BAHCC1: variants seen among roughly 807,000 people sequenced by gnomAD.
BAHCC1 encodes the protein BAH domain and coiled-coil containing 1.
In BAHCC1, 43 loss-of-function variants were observed where a neutral mutation model predicts 88.2. The ratio of observed to expected loss-of-function variants is 0.49; its 90% CI spans 0.38 to 0.63. BAHCC1 has a LOEUF of 0.63. BAHCC1 is among the 20% of genes least tolerant of loss of function. The pLI is 0.00. For synonymous variants in BAHCC1, 1,510 were observed against 745.5 expected (o/e 2.03, Z -16.71); for missense variants, 3,023 against 1,654.8 (o/e 1.83, Z -14.34).
At chr17:81,397,546 C>G (rs1363253189) in intron 1 of BAHCC1, among the ~76,000 whole-genome samples, 1 of 152,160 alleles carries the variant, frequency 6.6e-6, no homozygotes, top group Non-Finnish European at 1.5e-5. Flanking sequence ...GACCTCCCTC[C>G]CTTTCCTTCT....
chr17:81,444,066 G>A, intron 6 of BAHCC1, 149 bp downstream of exon 6: 2 of 617,638 alleles, frequency 3.2e-6, no homozygotes, highest in Admixed American at 5.3e-5. Flanking sequence ...CACCCCTAGA[G>A]CCTTTCTGGA....
At position 81,442,933 on chromosome 17, in the gene BAHCC1, C is replaced by T. The variant is rs2064450354; in HGVS notation, c.1584C>T (p.Gly528=). Reference sequence around the variant, plus strand: ...GCTGCACTTTAGATAAGACTGTTGGCAAGGAAGCCCCGGCCGGCCCCCCAG... The same window carrying T: ...GCTGCACTTTAGATAAGACTGTTGGTAAGGAAGCCCCGGCCGGCCCCCCAG... The part of the protein sequence containing the change: ...QACCTLDKTV[G]KEAPAGPPGA... The change falls in exon 5 of 28, where the codon GGC becomes GGT. Residue 528 remains glycine, a synonymous_variant. Coordinates refer to ENST00000675386, the MANE Select transcript of BAHCC1 (RefSeq NM_001377448.1). 1 of 779,078 alleles carries T rather than the reference C, an allele frequency of 1.3e-6. No individual in the cohort carries two copies. Among genetic ancestry groups the T allele is most frequent in the Admixed American group, 1.7e-5 (1 of 58,972 alleles). 48.3% of individuals were successfully genotyped at this position (779,078 alleles called of 1,614,324 possible).
chr17:81,441,703 T>G (rs1199946727), intron 4 of BAHCC1, 128 bp from the exon 5 acceptor site: 2 of 436,884 alleles, frequency 4.6e-6, no homozygotes, highest in Non-Finnish European at 8.2e-6. Flanking sequence ...GCAAAAACCT[T>G]CCCTAGGCTG....
chr17:81,425,662 TTGGTGGTGA>T (rs1422054348), intron 2 of BAHCC1, among the ~76,000 whole-genome samples: 58 of 101,864 alleles, frequency 5.7e-4, no homozygotes, highest in African/African-American at 2.3e-3. Context: ...GGTGATGTGG[TTGGTGGTGA>T]TGGTGGGTGA....
In BAHCC1 at chr17:81,441,937, C is replaced by T. The variant is rs374363244; in HGVS notation, c.588C>T (p.Cys196=). ...RAAPAHPMGS[C]SRDRDRGEAG... The stretch of plus-strand genomic sequence containing the variant: ...CCCCTGCCCACCCCATGGGCTCCTG[C>T]AGCCGGGATCGAGACCGGGGTGAGG... Residue 196 remains cysteine (C), a synonymous_variant, in exon 5 of 28, where the codon TGC becomes TGT. Transcript: ENST00000675386. The T allele has an allele frequency of 8.1e-6, 6 of 738,408 alleles. No homozygotes were observed. The highest frequency in any genetic ancestry group is 3.5e-5 in the African/African-American group (2 of 57,206). 45.7% of individuals were successfully genotyped at this position (738,408 alleles called of 1,614,324 possible).
Position 81,460,557 on chromosome 17 carries a change from T to A in BAHCC1, c.6053T>A (p.Val2018Glu). 1.3e-6 allele frequency: 1 copy of A among 765,762 alleles called. No homozygotes were observed. The highest frequency in any genetic ancestry group is 2.4e-6 in the Non-Finnish European group (1 of 411,064). The allele number at this position is 765,762 out of a possible 1,614,324, so 47.4% of individuals were successfully genotyped here. Residue 2018 changes from valine to glutamate, a missense_variant, in exon 25 of 28, where the codon GTG becomes GAG. Transcript: ENST00000675386. The stretch of plus-strand genomic sequence containing the variant: ...ACAGAGCCCTCTCCAGCCCTGCTAG[T>A]GTCTAGCAGCTGCCGGAGGACCAAG... The part of the protein sequence containing the change: ...QCTEPSPALL[V>E]SSSCRRTKKV...
intron 10 of BAHCC1, among the ~76,000 whole-genome samples, chr17:81,446,526 C>CTTTTTTTTTTTT (rs869297780): frequency 2.0e-5 from 1 of 49,184 alleles, no homozygotes; most frequent in African/African-American, 8.9e-5. Flanking sequence ...CTGCTCACAC[C>CTTTTTTTTTTTT]TTTTTTTTTT....
chr17:81,447,685 G>C lies in BAHCC1; in HGVS notation c.3813G>C (p.Gly1271=). 1.4e-6 allele frequency: 1 copy of C among 738,108 alleles called. No homozygotes were observed. Among genetic ancestry groups the C allele is most frequent in the Middle Eastern group, 2.3e-4 (1 of 4,386 alleles). The allele number at this position is 738,108 out of a possible 1,614,324, so 45.7% of individuals were successfully genotyped here. A position where few individuals can be genotyped will look rare whatever the true frequency, so the allele number is the denominator to read the frequency against. ...DALVAATINL[G]DLPSDSPPDP... ...TGGTGGCCGCCACCATCAACCTGGG[G>C]GACCTGCCCAGCGACAGCCCACCGG... is the stretch of plus-strand genomic sequence containing the variant. Residue 1271 remains glycine, a synonymous_variant, in exon 11 of 28, where the codon GGG becomes GGC. Coordinates refer to ENST00000675386, the MANE Select transcript of BAHCC1 (RefSeq NM_001377448.1).
Position 81,458,131 on chromosome 17 carries a change from G to T in BAHCC1, c.5042-34G>T. 7 of 714,824 alleles carry T rather than the reference G, an allele frequency of 9.8e-6. 1 individual carries two copies. The South Asian group carries it at 1.0e-4, about 11-fold the overall frequency. 44.3% of individuals were successfully genotyped at this position (714,824 alleles called of 1,614,324 possible). On this transcript the variant is annotated intron_variant, in intron 17 of 27. Coordinates refer to ENST00000675386, the MANE Select transcript of BAHCC1 (RefSeq NM_001377448.1). ...CCAACCAGCCGGGTCTCTAGGATGG[G>T]GACCCCTGTGACGGCCTCCTCTCCT...
At position 81,442,144 on chromosome 17, in the gene BAHCC1, C is replaced by T. The variant is rs1555652665; in HGVS notation, c.795C>T (p.Gly265=). The T allele has an allele frequency of 2.6e-5, 17 of 656,438 alleles. No homozygotes were observed. The highest frequency in any genetic ancestry group is 8.3e-5 in the Admixed American group (3 of 36,288). The allele number at this position is 656,438 out of a possible 1,614,324, so 40.7% of individuals were successfully genotyped here. A position where few individuals can be genotyped will look rare whatever the true frequency, so the allele number is the denominator to read the frequency against. Residue 265 remains glycine, a synonymous_variant, in exon 5 of 28, where the codon GGC becomes GGT. Coordinates refer to ENST00000675386, the MANE Select transcript of BAHCC1 (RefSeq NM_001377448.1). The part of the protein sequence containing the change: ...PVPADGHCRE[G]GPAPRGACEG... ...CAGCCGACGGGCACTGCAGGGAGGGCGGCCCCGCACCCCGAGGGGCCTGCG... is the reference window on the plus strand; with the variant it reads ...CAGCCGACGGGCACTGCAGGGAGGGTGGCCCCGCACCCCGAGGGGCCTGCG...
intron 2 of BAHCC1, among the ~76,000 whole-genome samples, chr17:81,424,676 G>T (rs2064153713): frequency 1.3e-5 from 2 of 151,648 alleles, no homozygotes; most frequent in South Asian, 4.2e-4. Flanking sequence ...GTGGTTGGGG[G>T]CATGGTGGTG....
At chr17:81,398,608 C>G (rs1413374705) in intron 1 of BAHCC1, among the ~76,000 whole-genome samples, 2 of 14,676 alleles carry the variant, frequency 1.4e-4, no homozygotes, top group African/African-American at 1.4e-3. Flanking sequence ...CTGAAAGCAC[C>G]CCCCCCACAC....
chr17:81,444,509 A>G lies in BAHCC1; in HGVS notation c.2453A>G (p.His818Arg), dbSNP rs537641385. The change falls in exon 7 of 28, where the codon CAT (histidine) becomes CGT (arginine). Residue 818 changes from histidine to arginine, a missense_variant. By Grantham distance (29) the His-to-Arg change is conservative. Coordinates refer to ENST00000675386, the MANE Select transcript of BAHCC1 (RefSeq NM_001377448.1). ...GGDPAPHTHP[H>R]PPWLPRTRSP... is the part of the protein sequence containing the mutation. Reference sequence around the variant, plus strand: ...GACCCAGCCCCCCACACCCACCCCCATCCCCCCTGGCTGCCCCGCACCCGC... The same window carrying G: ...GACCCAGCCCCCCACACCCACCCCCGTCCCCCCTGGCTGCCCCGCACCCGC... The G allele has an allele frequency of 2.4e-4, 166 of 684,296 alleles. 4 individuals carry two copies. In the South Asian group the frequency reaches 2.5e-3, roughly 10 times the overall value. The allele number at this position is 684,296 out of a possible 1,614,324, so 42.4% of individuals were successfully genotyped here.
At chr17:81,397,998 C>T (rs1398499436) in intron 1 of BAHCC1, among the ~76,000 whole-genome samples, 1 of 152,104 alleles carries the variant, frequency 6.6e-6, no homozygotes, top group African/African-American at 2.4e-5. Flanking sequence ...CGTTTTAGAA[C>T]CCGGACCATA....
Position 81,434,070 on chromosome 17 carries a change from C to T in BAHCC1, c.359-4300C>T, listed in dbSNP as rs147777526. Among the ~76,000 whole-genome samples the T allele has an allele frequency of 1.8e-4, 27 of 152,166 alleles. No homozygotes were observed. The East Asian group carries it at 5.2e-3, about 29-fold the overall frequency. On this transcript the variant is annotated intron_variant, in intron 3 of 27. Transcript: ENST00000675386. The surrounding 1 kb of genome is among the most constrained non-coding windows in gnomAD (Gnocchi z 4.9). Reference sequence around the variant, plus strand: ...ACCACTTGCCAGGCCAGGGGTCTCCCGGGACTCCCCTGGGGTCACTGTGGG... The same window carrying T: ...ACCACTTGCCAGGCCAGGGGTCTCCTGGGACTCCCCTGGGGTCACTGTGGG...
intron 14 of BAHCC1, among the ~76,000 whole-genome samples, chr17:81,453,945 G>A (rs1354542556): frequency 6.6e-6 from 1 of 152,364 alleles, no homozygotes; most frequent in East Asian, 1.9e-4. Flanking sequence ...GGCCCCTCAG[G>A]CCTCAGAAGC....
chr17:81,401,279 A>G (rs1380797519), intron 2 of BAHCC1: 3 of 152,658 alleles, frequency 2.0e-5, no homozygotes, highest in African/African-American at 7.2e-5. Context: ...GGAGCCGCCC[A>G]GTGGAGGGGT....
chr17:81,416,681 G>A (rs2064035840), intron 2 of BAHCC1, among the ~76,000 whole-genome samples: 1 of 152,200 alleles, frequency 6.6e-6, no homozygotes, highest in Non-Finnish European at 1.5e-5. Flanking sequence ...CACACAGGAG[G>A]GTGAGAGCCT....
chr17:81,458,067 G>T, intron 17 of BAHCC1, 98 bp from the exon 18 acceptor site: 1 of 670,344 alleles, frequency 1.5e-6, no homozygotes. Flanking sequence ...GCGGGCAGGG[G>T]TTGCTAGGTA....
Sources: allele counts gnomAD v4.1 joint callset (sites outside exome capture counted in the v4.1 genomes callset), GRCh38; gene constraint gnomAD v4.1.1; non-coding constraint Gnocchi (gnomAD v3.1); transcripts MANE v1.5; gene names NCBI Gene and HGNC (gene_info 2026-07-23, HGNC 2026-07-21).